UBE2QL1: variants seen among roughly 807,000 people sequenced by gnomAD.
UBE2QL1 encodes ubiquitin-conjugating enzyme E2Q-like protein 1.
In UBE2QL1, 5 loss-of-function variants were observed where a neutral mutation model predicts 12.6. The observed-to-expected ratio is 0.40, with a 90% CI of 0.21 to 0.83. UBE2QL1 has a LOEUF of 0.83. UBE2QL1 is among the 40% of genes least tolerant of loss of function. UBE2QL1 has a pLI of 0.37. For synonymous variants in UBE2QL1, 96 were observed against 94.5 expected, an observed-to-expected ratio of 1.02 and a Z score of -0.10; for missense variants, 99 against 222.6, an observed-to-expected ratio of 0.44 and a Z score of 3.53.
At position 6,495,493 on chromosome 5, in the gene UBE2QL1, A is replaced by G. The variant is rs1734651143; in HGVS notation, c.*4144A>G. Among the ~76,000 whole-genome samples the G allele has an allele frequency of 6.6e-6, 1 of 152,192 alleles. No homozygotes were observed. Among genetic ancestry groups the G allele is most frequent in the Non-Finnish European group, 1.5e-5 (1 of 68,044 alleles). ...TGTCCACAGTAGGACAGGAGCCACA[A>G]GGCCACTGCCTTACTGTGGCTTTCT... is the stretch of plus-strand genomic sequence containing the variant. On this transcript the variant is annotated 3_prime_UTR_variant, in exon 2 of 2. Transcript: ENST00000399816.
chr5:6,471,241 G>A (rs1228625911), intron 1 of UBE2QL1, among the ~76,000 whole-genome samples: 1 of 152,172 alleles, frequency 6.6e-6, no homozygotes, highest in Non-Finnish European at 1.5e-5. Flanking sequence ...CTGCAGCATA[G>A]CCCATTATCC....
intron 1 of UBE2QL1, among the ~76,000 whole-genome samples, chr5:6,484,612 C>A (rs974211021): frequency 2.0e-5 from 3 of 152,170 alleles, no homozygotes; most frequent in Non-Finnish European, 4.4e-5. Context: ...TCGAGCTGAG[C>A]ACGGAGCAGT....
At chr5:6,488,815 A>AAAGAAG (rs1553989660) in intron 1 of UBE2QL1, among the ~76,000 whole-genome samples, 1 of 150,968 alleles carries the variant, frequency 6.6e-6, no homozygotes, top group African/African-American at 2.5e-5. Context: ...AGAAAAAAAA[A>AAAGAAG]AAGAAGAAAT....
In UBE2QL1 at chr5:6,491,386, C is replaced by G. The variant is rs1269662707; in HGVS notation, c.*37C>G. The G allele has an allele frequency of 6.6e-7, 1 of 1,520,548 alleles. No individual in the cohort carries two copies. Among genetic ancestry groups the G allele is most frequent in the Non-Finnish European group, 8.8e-7 (1 of 1,132,714 alleles). The allele number at this position is 1,520,548 out of a possible 1,614,324, so 94.2% of individuals were successfully genotyped here. On this transcript the variant is annotated 3_prime_UTR_variant, in exon 2 of 2. Transcript: ENST00000399816. The stretch of plus-strand genomic sequence containing the variant: ...TGCAGTAGACGCTCGAGCGCCTGTC[C>G]ACACACACACCAGTACCCTGACATC...
At chr5:6,464,613 G>A (rs1399076105) in intron 1 of UBE2QL1, among the ~76,000 whole-genome samples, 3 of 152,186 alleles carry the variant, frequency 2.0e-5, no homozygotes, top group Admixed American at 6.5e-5. Flanking sequence ...GATGACTTAC[G>A]GCGCTCAGAG....
rs1268888277 is a variant in UBE2QL1, at chr5:6,491,220, A to G, written c.357A>G (p.Gly119=). The G allele has an allele frequency of 6.5e-7, 1 of 1,548,396 alleles. No individual in the cohort carries two copies. Among genetic ancestry groups the G allele is most frequent in the East Asian group, 2.4e-5 (1 of 40,884 alleles). The stretch of plus-strand genomic sequence containing the variant: ...GTTTTTCTTCTCATCTCACGCAGGG[A>G]CGGATCTGTAGAAAAGCTGGCAAAT... The part of the protein sequence containing the change: ...QFAASLVKGQ[G]RICRKAGKSK... Residue 119 remains glycine (G), a splice_region_variant and synonymous_variant, in exon 2 of 2, where the codon GGA becomes GGG. Transcript: ENST00000399816.
chr5:6,482,452 C>A (rs1249796540), intron 1 of UBE2QL1, among the ~76,000 whole-genome samples: 1 of 152,218 alleles, frequency 6.6e-6, no homozygotes, highest in African/African-American at 2.4e-5. Context: ...CTGCTGCCCC[C>A]TCTCCTGCTT....
intron 1 of UBE2QL1, among the ~76,000 whole-genome samples, chr5:6,459,441 A>G (rs895075608): frequency 2.0e-5 from 3 of 152,182 alleles, no homozygotes; most frequent in Non-Finnish European, 4.4e-5. Flanking sequence ...GAAACAGGTG[A>G]CCAACCACAG....
intron 1 of UBE2QL1, among the ~76,000 whole-genome samples, chr5:6,456,266 T>G (rs1317051081): frequency 6.6e-6 from 1 of 152,188 alleles, no homozygotes; most frequent in East Asian, 1.9e-4. Context: ...GATCTGACAA[T>G]AGACAGTGGC....
At chr5:6,484,722 A>G (rs1469574362) in intron 1 of UBE2QL1, among the ~76,000 whole-genome samples, 1 of 151,822 alleles carries the variant, frequency 6.6e-6, no homozygotes, top group African/African-American at 2.4e-5. Context: ...ATCAGCTCCA[A>G]CAGCATGTTC....
rs574881218 is a variant in UBE2QL1 at position 6,481,787 on chromosome 5, C to G, written c.355-9431C>G. Among the ~76,000 whole-genome samples the G allele has an allele frequency of 3.9e-5, 6 of 152,346 alleles. No homozygotes were observed. In the East Asian group the frequency reaches 1.2e-3, roughly 29 times the overall value. On this transcript the variant is annotated intron_variant, in intron 1 of 1. Transcript: ENST00000399816. The surrounding 1 kb of genome is among the most constrained non-coding windows in gnomAD (Gnocchi z 4.5). ...AACCTAACTGGACAACACCCCAAAA[C>G]TGACCGCCATACCACCTCCCAAATG...
rs142171552 is a variant in UBE2QL1 at position 6,480,995 on chromosome 5, G to C, written c.355-10223G>C. 1.1e-4 allele frequency among the ~76,000 whole-genome samples: 16 copies of C among 152,248 alleles called. 1 individual carries two copies. Among genetic ancestry groups the C allele is most frequent in the African/African-American group, 3.9e-4 (16 of 41,554 alleles). On this transcript the variant is annotated intron_variant, in intron 1 of 1. Transcript: ENST00000399816. ...TAAGCTACACTTTTTTAAAGAACCAGATTTTTCTTAATGTGTAAAGAGTGC... is the reference window on the plus strand; with the variant it reads ...TAAGCTACACTTTTTTAAAGAACCACATTTTTCTTAATGTGTAAAGAGTGC...
intron 1 of UBE2QL1, among the ~76,000 whole-genome samples, chr5:6,463,022 C>G (rs878948412): frequency 1.3e-5 from 2 of 152,214 alleles, no homozygotes; most frequent in Non-Finnish European, 2.9e-5. Context: ...TCATCCACTT[C>G]TTCGCTACTG....
chr5:6,452,510 G>A (rs1739431081), intron 1 of UBE2QL1, among the ~76,000 whole-genome samples: 1 of 152,092 alleles, frequency 6.6e-6, no homozygotes, highest in African/African-American at 2.4e-5. Context: ...ATGAACTGGT[G>A]AAAATGTTAA....
chr5:6,462,063 T>A (rs557824778), intron 1 of UBE2QL1, among the ~76,000 whole-genome samples: 1 of 152,090 alleles, frequency 6.6e-6, no homozygotes, highest in African/African-American at 2.4e-5. Flanking sequence ...CAAGCGAGGG[T>A]GATGGTCGTT....
chr5:6,480,996 A>T (rs1179116210), intron 1 of UBE2QL1, among the ~76,000 whole-genome samples: 3 of 152,060 alleles, frequency 2.0e-5, no homozygotes, highest in Non-Finnish European at 4.4e-5. Context: ...AAAGAACCAG[A>T]TTTTTCTTAA....
chr5:6,487,866 A>T (rs889947600), intron 1 of UBE2QL1, among the ~76,000 whole-genome samples: 2 of 151,490 alleles, frequency 1.3e-5, no homozygotes, highest in African/African-American at 4.8e-5. Flanking sequence ...GGAACACGGG[A>T]TGGAGGGGTC....
At chr5:6,460,281 ACACGTGTTC>A (rs1427267855) in intron 1 of UBE2QL1, among the ~76,000 whole-genome samples, 2 of 152,220 alleles carry the variant, frequency 1.3e-5, no homozygotes, top group African/African-American at 4.8e-5. Flanking sequence ...GGAAATGATG[ACACGTGTTC>A]CTTGCATAGG....
intron 1 of UBE2QL1, among the ~76,000 whole-genome samples, chr5:6,487,975 G>A (rs1318723821): frequency 6.6e-6 from 1 of 152,208 alleles, no homozygotes; most frequent in African/African-American, 2.4e-5. Context: ...TGCAGGGAGT[G>A]GCTTCCAAGT....
Sources: allele counts gnomAD v4.1 joint callset (sites outside exome capture counted in the v4.1 genomes callset), GRCh38; gene constraint gnomAD v4.1.1; non-coding constraint Gnocchi (gnomAD v3.1); transcripts MANE v1.5; gene names NCBI Gene and HGNC (gene_info 2026-07-23, HGNC 2026-07-21).